SRGAP1: variants seen among roughly 807,000 people sequenced by gnomAD.
SRGAP1 encodes the protein SLIT-ROBO Rho GTPase activating protein 1.
A neutral mutation model predicts 121.9 loss-of-function variants in SRGAP1; 43 were observed. The observed-to-expected ratio is 0.35, with a 90% CI of 0.28 to 0.46. The LOEUF (loss-of-function observed/expected upper bound fraction) is 0.46. SRGAP1 is among the 20% of genes least tolerant of loss of function. The pLI, the probability that SRGAP1 is intolerant of heterozygous loss-of-function variation, is 1.00. For missense variants in SRGAP1, 1,102 were observed against 1,350.9 expected, an observed-to-expected ratio of 0.82 and a Z score of 2.89; for synonymous variants, 447 against 485.4, an observed-to-expected ratio of 0.92 and a Z score of 1.04.
At chr12:63,948,664 C>T (rs913292599) in intron 1 of SRGAP1, among the ~76,000 whole-genome samples, 1 of 151,410 alleles carries the variant, frequency 6.6e-6, no homozygotes, top group Non-Finnish European at 1.5e-5. Flanking sequence ...ATTCATAGTT[C>T]CTTCCTGGTA....
At chr12:63,969,209 G>T (rs1238590598) in intron 1 of SRGAP1, among the ~76,000 whole-genome samples, 1 of 152,106 alleles carries the variant, frequency 6.6e-6, no homozygotes. Context: ...TTTCTGTTTG[G>T]TGTCAGAGCT....
intron 1 of SRGAP1, among the ~76,000 whole-genome samples, chr12:63,868,064 T>TG (rs1565927653): frequency 2.1e-5 from 2 of 94,948 alleles, no homozygotes; most frequent in African/African-American, 9.8e-5. Flanking sequence ...ATATTTTTTT[T>TG]TTTTTTTTTT....
intron 1 of SRGAP1, among the ~76,000 whole-genome samples, chr12:63,882,112 A>G (rs1451374573): frequency 6.6e-6 from 1 of 152,222 alleles, no homozygotes; most frequent in African/African-American, 2.4e-5. Context: ...AAGTATGGCA[A>G]AAACTGCGAT....
chr12:64,044,674 CTTTTTTTTTTTTTT>C lies in SRGAP1; in HGVS notation c.801+1111_801+1124del, dbSNP rs558248193. ...AGCTTATTAACACTCTGATGTGCCT[CTTTTTTTTTTTTTT>C]TTTTTTTTTTTAAGACAGAGTCTCA... On this transcript the variant is annotated intron_variant, in intron 6 of 21. Transcript: ENST00000355086. 5.8e-4 allele frequency among the ~76,000 whole-genome samples: 42 copies of C among 72,118 alleles called. 1 individual carries two copies. Among genetic ancestry groups the C allele is most frequent in the Admixed American group, 1.8e-4 (1 of 5,508 alleles). The allele number at this position is 72,118 out of a possible 152,430, so 47.3% of individuals were successfully genotyped here. A position where few individuals can be genotyped will look rare whatever the true frequency, so the allele number is the denominator to read the frequency against.
intron 1 of SRGAP1, among the ~76,000 whole-genome samples, chr12:63,893,614 C>T (rs1428616773): frequency 1.3e-5 from 2 of 152,162 alleles, no homozygotes; most frequent in Admixed American, 1.3e-4. Flanking sequence ...TCTCATTTTA[C>T]AGAAAAGTAA....
intron 1 of SRGAP1, among the ~76,000 whole-genome samples, chr12:63,855,453 C>T (rs985643405): frequency 7.2e-6 from 1 of 138,514 alleles, no homozygotes; most frequent in Non-Finnish European, 1.5e-5. Flanking sequence ...GAACAAGCAG[C>T]AGTCAACATG....
chr12:64,112,091 A>G (rs2136616691), intron 17 of SRGAP1, 105 bp downstream of exon 17: 1 of 862,736 alleles, frequency 1.2e-6, no homozygotes, highest in Middle Eastern at 2.6e-4. Flanking sequence ...AATGCTTCCA[A>G]CTTAAAAGGA....
At chr12:63,957,851 G>A (rs549799714) in intron 1 of SRGAP1, among the ~76,000 whole-genome samples, 1 of 152,216 alleles carries the variant, frequency 6.6e-6, no homozygotes, top group East Asian at 1.9e-4. Flanking sequence ...TCTCAAATGA[G>A]ATGAGTGATA....
chr12:63,987,883 A>G (rs916098171), intron 2 of SRGAP1, among the ~76,000 whole-genome samples: 4 of 152,214 alleles, frequency 2.6e-5, no homozygotes, highest in African/African-American at 7.2e-5. Context: ...CATTATTATA[A>G]GCATTTTAAA....
At chr12:63,901,202 C>T (rs572088783) in intron 1 of SRGAP1, among the ~76,000 whole-genome samples, 1 of 152,144 alleles carries the variant, frequency 6.6e-6, no homozygotes, top group Non-Finnish European at 1.5e-5. Context: ...AGCAGTATTC[C>T]TAATATGGTT....
chr12:64,019,279 G>T (rs552203211), intron 4 of SRGAP1, among the ~76,000 whole-genome samples: 2 of 152,268 alleles, frequency 1.3e-5, no homozygotes, highest in East Asian at 3.9e-4. Flanking sequence ...TAGCGTTCAA[G>T]TGAGTAAGCT....
rs952630892 is a variant in SRGAP1, at chr12:64,156,977, G to A, written c.*14305G>A. ...TAGGCCTGCACTGCTCATGCTTTGG[G>A]ACCAGAAAGCGGATGGTTTGATATG... On this transcript the variant is annotated 3_prime_UTR_variant, in exon 22 of 22. Transcript: ENST00000355086. 1 of 152,106 alleles carries A rather than the reference G, an allele frequency of 6.6e-6. No individual in the cohort carries two copies. The highest frequency in any genetic ancestry group is 2.4e-5 in the African/African-American group (1 of 41,398). 9.4% of individuals were successfully genotyped at this position (152,106 alleles called of 1,614,324 possible).
intron 3 of SRGAP1, among the ~76,000 whole-genome samples, chr12:64,004,655 C>T (rs188784484): frequency 1.3e-5 from 2 of 152,310 alleles, no homozygotes; most frequent in African/African-American, 4.8e-5. Flanking sequence ...CAGGTGTGAG[C>T]CACCGCGCTC....
chr12:63,893,193 T>G (rs1169037038), intron 1 of SRGAP1, among the ~76,000 whole-genome samples: 1 of 152,256 alleles, frequency 6.6e-6, no homozygotes, highest in East Asian at 1.9e-4. Context: ...ATGTTGTATA[T>G]GTCAACTAAA....
chr12:63,985,638 G>A (rs1470964015), intron 2 of SRGAP1, among the ~76,000 whole-genome samples: 1 of 152,176 alleles, frequency 6.6e-6, no homozygotes, highest in Non-Finnish European at 1.5e-5. Context: ...AAAAAAAGAA[G>A]AGGGAACTGA....
At chr12:64,020,648 G>A (rs998802822) in intron 4 of SRGAP1, among the ~76,000 whole-genome samples, 3 of 152,030 alleles carry the variant, frequency 2.0e-5, no homozygotes, top group Admixed American at 1.3e-4. Context: ...TTCGAGACCA[G>A]CCTGGCCAAC....
intron 1 of SRGAP1, among the ~76,000 whole-genome samples, chr12:63,924,017 T>G (rs2031164955): frequency 6.6e-6 from 1 of 152,144 alleles, no homozygotes; most frequent in Admixed American, 6.5e-5. Flanking sequence ...GGCGGGTACC[T>G]GTAATCCCAG....
rs371219178 is a variant in SRGAP1 at position 64,031,063 on chromosome 12, A to G, written c.490-11727A>G. Among the ~76,000 whole-genome samples the G allele has an allele frequency of 4.8e-4, 73 of 152,274 alleles. 1 individual carries two copies. The South Asian group carries it at 5.4e-3, about 11-fold the overall frequency. ...CTGGGCATGGTGGCTCATGCCTGTA[A>G]TCCCAGCACTTTGGGAGGCCAAGGT... On this transcript the variant is annotated intron_variant, in intron 4 of 21. Coordinates refer to ENST00000355086, the MANE Select transcript of SRGAP1 (RefSeq NM_020762.4).
chr12:64,083,842 A>G (rs1396815355), intron 10 of SRGAP1, among the ~76,000 whole-genome samples: 2 of 152,166 alleles, frequency 1.3e-5, no homozygotes, highest in African/African-American at 4.8e-5. Flanking sequence ...TGAGCTCCAT[A>G]TTTTATTGCT....
Sources: gnomAD v4.1 joint callset for allele counts (sites outside exome capture counted in the v4.1 genomes callset) on GRCh38, gnomAD v4.1.1 for gene constraint, MANE v1.5 for transcripts, NCBI Gene and HGNC (gene_info 2026-07-23, HGNC 2026-07-21) for gene names.